Variants in KCNIP4 observed in about 807,000 individuals in gnomAD.
KCNIP4 encodes Kv channel-interacting protein 4.
Under a neutral mutation model 34.0 loss-of-function variants are expected in KCNIP4, and 12 were observed. The observed-to-expected ratio is 0.35, with a 90% confidence interval of 0.23 to 0.57. The LOEUF is 0.57. Among genes scored for constraint, KCNIP4 ranks in the 20% least tolerant of loss-of-function variants. The pLI is 0.83. For synonymous variants in KCNIP4, 124 were observed against 102.2 expected (o/e 1.21, Z -1.29); for missense variants, 238 against 311.7 (o/e 0.76, Z 1.78).
intron 1 of KCNIP4, among the ~76,000 whole-genome samples, chr4:21,770,433 T>C (rs1197229498): frequency 6.6e-6 from 1 of 152,186 alleles, no homozygotes; most frequent in East Asian, 1.9e-4. Flanking sequence ...CATGTGTCTT[T>C]ATAGCAGAAT....
At chr4:21,428,507 C>A (rs1164983162) in intron 1 of KCNIP4, among the ~76,000 whole-genome samples, 1 of 152,174 alleles carries the variant, frequency 6.6e-6, no homozygotes, top group Non-Finnish European at 1.5e-5. Flanking sequence ...GCTTCAAAAA[C>A]CACTACAGCT....
intron 1 of KCNIP4, among the ~76,000 whole-genome samples, chr4:21,723,249 T>G (rs1380501791): frequency 6.6e-6 from 1 of 152,094 alleles, no homozygotes; most frequent in African/African-American, 2.4e-5. Flanking sequence ...GCTGCTAAAA[T>G]TCATATATTT....
intron 1 of KCNIP4, among the ~76,000 whole-genome samples, chr4:20,963,500 CAA>C (rs1734056273): frequency 6.6e-6 from 1 of 151,166 alleles, no homozygotes; most frequent in Non-Finnish European, 1.5e-5. Context: ...AGTTAAATAA[CAA>C]TGATTTATTA....
rs149338339 is a variant in KCNIP4 at position 21,815,234 on chromosome 4, C to T, written c.61+133337G>A. On this transcript the variant is annotated intron_variant, in intron 1 of 8. Transcript: ENST00000382152. ...TGCCTATCTGTATGTACCCCAACCT[C>T]ATCTGTAAAAAGGGGATAAAAATTG... 4.1e-3 allele frequency among the ~76,000 whole-genome samples: 624 copies of T among 152,224 alleles called. 7 individuals carry two copies. Among genetic ancestry groups the T allele is most frequent in the African/African-American group, 0.014 (599 of 41,542 alleles).
intron 1 of KCNIP4, among the ~76,000 whole-genome samples, chr4:20,959,057 T>C (rs533987849): frequency 1.3e-5 from 2 of 152,304 alleles, no homozygotes; most frequent in African/African-American, 4.8e-5. Flanking sequence ...ATGGAAAAGG[T>C]TCCATTTACT....
intron 1 of KCNIP4, among the ~76,000 whole-genome samples, chr4:21,032,730 G>T (rs1048910538): frequency 1.3e-5 from 2 of 151,856 alleles, no homozygotes; most frequent in African/African-American, 4.8e-5. Context: ...TGTAATTAAT[G>T]ATAGTTCAGG....
chr4:21,715,103 T>C (rs28375719), intron 1 of KCNIP4, among the ~76,000 whole-genome samples: 3,540 of 28,322 alleles, frequency 0.12, 805 homozygotes, highest in East Asian at 0.28. Context: ...ATTTTTGAGA[T>C]GGAGTCTGGC....
intron 1 of KCNIP4, among the ~76,000 whole-genome samples, chr4:21,051,237 C>A (rs752564552): frequency 6.6e-6 from 1 of 152,152 alleles, no homozygotes; most frequent in Non-Finnish European, 1.5e-5. Flanking sequence ...CTTCTAAGAC[C>A]TTTGCAAGTC....
At chr4:20,877,693 C>T (rs1346006021) in intron 2 of KCNIP4, among the ~76,000 whole-genome samples, 1 of 152,110 alleles carries the variant, frequency 6.6e-6, no homozygotes, top group Non-Finnish European at 1.5e-5. Context: ...CTCCTGGGTG[C>T]CAACCGTATG....
intron 1 of KCNIP4, among the ~76,000 whole-genome samples, chr4:20,950,724 C>T (rs1398948716): frequency 2.0e-5 from 3 of 152,092 alleles, no homozygotes; most frequent in African/African-American, 7.2e-5. Flanking sequence ...AATCAGATTT[C>T]ATACTTATTA....
intron 1 of KCNIP4, among the ~76,000 whole-genome samples, chr4:21,652,162 C>A (rs1031941384): frequency 6.6e-6 from 1 of 152,140 alleles, no homozygotes; most frequent in Non-Finnish European, 1.5e-5. Flanking sequence ...CATTGATCTA[C>A]CTTTTAGTGG....
intron 1 of KCNIP4, among the ~76,000 whole-genome samples, chr4:21,288,845 C>T (rs1763273014): frequency 6.6e-6 from 1 of 152,144 alleles, no homozygotes; most frequent in African/African-American, 2.4e-5. Context: ...TCTGTTCCTG[C>T]ATTAGTTTGC....
intron 1 of KCNIP4, among the ~76,000 whole-genome samples, chr4:21,062,981 C>T (rs1395012645): frequency 2.0e-5 from 3 of 152,124 alleles, no homozygotes; most frequent in African/African-American, 2.4e-5. Flanking sequence ...TATCTGGGCA[C>T]CCCATGGCCC....
At chr4:21,081,042 C>A (rs902408141) in intron 1 of KCNIP4, among the ~76,000 whole-genome samples, 2 of 151,664 alleles carry the variant, frequency 1.3e-5, no homozygotes, top group Non-Finnish European at 2.9e-5. Flanking sequence ...ATCAAGTGTG[C>A]TTTTATAAAT....
intron 3 of KCNIP4, among the ~76,000 whole-genome samples, chr4:20,806,087 C>A (rs1022731933): frequency 1.3e-5 from 2 of 151,922 alleles, no homozygotes; most frequent in Non-Finnish European, 2.9e-5. Flanking sequence ...GGGGGGCTTT[C>A]TTTAATATAT....
chr4:21,503,440 A>G (rs1344864478), intron 1 of KCNIP4, among the ~76,000 whole-genome samples: 1 of 152,216 alleles, frequency 6.6e-6, no homozygotes, highest in Admixed American at 6.5e-5. Flanking sequence ...ATAAGTCATG[A>G]ATCATATAAT....
chr4:20,969,889 G>A (rs1310414047), intron 1 of KCNIP4, among the ~76,000 whole-genome samples: 1 of 150,712 alleles, frequency 6.6e-6, no homozygotes, highest in Non-Finnish European at 1.5e-5. Flanking sequence ...AAGTTTAAGG[G>A]ATCAGATATA....
chr4:21,407,279 A>G (rs1724073529), intron 1 of KCNIP4, among the ~76,000 whole-genome samples: 1 of 152,002 alleles, frequency 6.6e-6, no homozygotes, highest in Non-Finnish European at 1.5e-5. Context: ...AAATCTCTCA[A>G]CAAATGCACC....
chr4:21,374,185 T>C (rs1413607114), intron 1 of KCNIP4, among the ~76,000 whole-genome samples: 1 of 146,718 alleles, frequency 6.8e-6, no homozygotes, highest in Non-Finnish European at 1.5e-5. Flanking sequence ...AATAGGTGAG[T>C]GTATTAGTTC....
Sources: allele counts gnomAD v4.1 joint callset (sites outside exome capture counted in the v4.1 genomes callset), GRCh38; gene constraint gnomAD v4.1.1; transcripts MANE v1.5; gene names NCBI Gene and HGNC (gene_info 2026-07-23, HGNC 2026-07-21).